The following ARHGEF37 variants were observed in gnomAD, a reference collection of about 807,000 sequenced individuals.
ARHGEF37 encodes Rho guanine nucleotide exchange factor 37, also known as Rho guanine nucleotide exchange factor (GEF) 37.
ARHGEF37 carries 55 observed loss-of-function variants against 71.1 expected under a neutral mutation model. The observed-to-expected ratio is 0.77, with a 90% CI of 0.62 to 0.97. The LOEUF (loss-of-function observed/expected upper bound fraction) is 0.97. Ranked by LOEUF, ARHGEF37 falls within the 50% of genes least tolerant of loss-of-function variation. The pLI is 0.00. For missense variants in ARHGEF37, 765 were observed against 836.8 expected, an observed-to-expected ratio of 0.91 and a Z score of 1.06; for synonymous variants, 327 against 350.6, an observed-to-expected ratio of 0.93 and a Z score of 0.75.
At chr5:149,625,773 A>G (rs1453739516) in intron 10 of ARHGEF37, among the ~76,000 whole-genome samples, 8 of 151,154 alleles carry the variant, frequency 5.3e-5, no homozygotes, top group Admixed American at 5.3e-4. Context: ...ACACACACAC[A>G]CACACAAACC....
intron 1 of ARHGEF37, among the ~76,000 whole-genome samples, chr5:149,596,182 T>A (rs889277876): frequency 6.6e-6 from 1 of 152,226 alleles, no homozygotes; most frequent in African/African-American, 2.4e-5. Flanking sequence ...CCCTAGTGAT[T>A]TCTTTTCCTC....
intron 1 of ARHGEF37, among the ~76,000 whole-genome samples, chr5:149,575,583 A>G (rs531262892): frequency 6.6e-6 from 1 of 152,280 alleles, no homozygotes; most frequent in Admixed American, 6.5e-5. Context: ...CCTCTCTTGA[A>G]AAGACACAAA....
chr5:149,554,333 A>G (rs1580876135), intron 1 of ARHGEF37, among the ~76,000 whole-genome samples: 2 of 152,292 alleles, frequency 1.3e-5, no homozygotes, highest in East Asian at 1.9e-4. Flanking sequence ...TTGTCTCAAT[A>G]AATGAATGAA....
At chr5:149,604,668 G>A (rs1358701938) in intron 3 of ARHGEF37, among the ~76,000 whole-genome samples, 1 of 144,154 alleles carries the variant, frequency 6.9e-6, no homozygotes, top group African/African-American at 2.6e-5. Flanking sequence ...CAGTAAGGCA[G>A]CAACACCATT....
intron 4 of ARHGEF37, 94 bp downstream of exon 4, chr5:149,609,789 G>T (rs1764027375): frequency 1.3e-6 from 2 of 1,532,542 alleles, no homozygotes; most frequent in Non-Finnish European, 1.8e-6. Flanking sequence ...CATTCGTGCT[G>T]CTTCACGAGT....
intron 1 of ARHGEF37, among the ~76,000 whole-genome samples, chr5:149,575,693 T>C (rs1763019670): frequency 8.7e-6 from 1 of 115,202 alleles, no homozygotes; most frequent in African/African-American, 3.5e-5. Context: ...TTTTTTTTTT[T>C]TTTTTGGAGA....
chr5:149,594,747 T>G (rs1763500288), intron 1 of ARHGEF37, among the ~76,000 whole-genome samples: 1 of 152,194 alleles, frequency 6.6e-6, no homozygotes, highest in Non-Finnish European at 1.5e-5. Context: ...TATTATGAAG[T>G]ATTTTAACCA....
At chr5:149,561,040 C>CT (rs1322991459) in intron 1 of ARHGEF37, among the ~76,000 whole-genome samples, 2 of 152,036 alleles carry the variant, frequency 1.3e-5, no homozygotes, top group Non-Finnish European at 2.9e-5. Context: ...TTTGGGAGGC[C>CT]AAAGCAGGTG....
intron 1 of ARHGEF37, among the ~76,000 whole-genome samples, chr5:149,571,315 G>T (rs1465425424): frequency 6.6e-6 from 1 of 151,968 alleles, no homozygotes; most frequent in Non-Finnish European, 1.5e-5. Flanking sequence ...GCATGCAGTG[G>T]CACGACCTCG....
chr5:149,621,837 CT>C lies in ARHGEF37; in HGVS notation c.1113del (p.Phe371LeufsTer14), dbSNP rs748101973. 1.3e-5 allele frequency: 21 copies of C among 1,614,114 alleles called. No individual in the cohort carries two copies. In the Admixed American group the frequency reaches 2.3e-4, roughly 18 times the overall value. ...IKKRLDKLLD[F>X]ERVEEKLLEV... Reference sequence around the variant, plus strand: ...AGAAGCGTCTGGACAAGCTACTGGACTTTGAGCGGGTGGAAGAGAAGCTGCT... The same window carrying C: ...AGAAGCGTCTGGACAAGCTACTGGACTTGAGCGGGTGGAAGAGAAGCTGCT... On this transcript the variant is annotated frameshift_variant, in exon 9 of 13. Transcript: ENST00000333677. LOFTEE classifies it high-confidence loss of function.
intron 1 of ARHGEF37, among the ~76,000 whole-genome samples, chr5:149,569,777 C>T (rs147681566): frequency 2.7e-4 from 41 of 152,218 alleles, no homozygotes; most frequent in African/African-American, 8.4e-4. Flanking sequence ...CGCACCACCA[C>T]GCCCGGCTAA....
intron 11 of ARHGEF37, among the ~76,000 whole-genome samples, chr5:149,627,601 C>T (rs1271440898): frequency 6.6e-6 from 1 of 152,224 alleles, no homozygotes; most frequent in Non-Finnish European, 1.5e-5. Context: ...GGAGAGAACT[C>T]CAGGACCACC....
intron 1 of ARHGEF37, among the ~76,000 whole-genome samples, chr5:149,585,616 C>T (rs1465367084): frequency 6.6e-6 from 1 of 152,198 alleles, no homozygotes; most frequent in Non-Finnish European, 1.5e-5. Flanking sequence ...CTCCTGGGTT[C>T]TAGCGAGTCT....
chr5:149,568,389 C>T (rs1272065233), intron 1 of ARHGEF37, among the ~76,000 whole-genome samples: 4 of 152,044 alleles, frequency 2.6e-5, no homozygotes, highest in Non-Finnish European at 2.9e-5. Flanking sequence ...CCTGTACCTC[C>T]GAAAAAGCAA....
intron 1 of ARHGEF37, among the ~76,000 whole-genome samples, 198 bp from the exon 2 acceptor site, chr5:149,597,561 A>C (rs553371614): frequency 6.6e-6 from 1 of 152,298 alleles, no homozygotes; most frequent in African/African-American, 2.4e-5. Context: ...CTAAAATGTC[A>C]AGAGTTATCA....
Position 149,576,240 on chromosome 5 carries a change from G to A in ARHGEF37, c.-11-21519G>A, listed in dbSNP as rs116318665. Among the ~76,000 whole-genome samples the A allele has an allele frequency of 3.3e-3, 510 of 152,316 alleles. 2 individuals carry two copies. The highest frequency in any genetic ancestry group is 0.012 in the African/African-American group (478 of 41,564). ...ACCCTGAGTGACAAAGCGAGACTCC[G>A]TCTCAAAAGCAAACAAATAAACAAA... On this transcript the variant is annotated intron_variant, in intron 1 of 2. Transcript: ENST00000505810.
At chr5:149,627,029 C>T in intron 10 of ARHGEF37, 47 bp from the exon 11 acceptor site, 10 of 1,547,884 alleles carry the variant, frequency 6.5e-6, no homozygotes, top group Non-Finnish European at 8.8e-6. Flanking sequence ...CCAGCTTTGA[C>T]AGGTTTATTC....
chr5:149,630,059 G>C lies in ARHGEF37; in HGVS notation c.1818+1093G>C, dbSNP rs183228970. ...GGTGGGGAATGGGGACTGCTAACTG[G>C]TGTGAAGTTTCTTTTTGGGGGTGAT... is the stretch of plus-strand genomic sequence containing the variant. On this transcript the variant is annotated intron_variant, in intron 12 of 12. Transcript: ENST00000333677. Among the ~76,000 whole-genome samples, 139 of 152,268 alleles carry C rather than the reference G, an allele frequency of 9.1e-4. 1 individual carries two copies. Among genetic ancestry groups the C allele is most frequent in the African/African-American group, 3.2e-3 (131 of 41,538 alleles).
At chr5:149,563,202 C>T (rs1337705765) in intron 1 of ARHGEF37, among the ~76,000 whole-genome samples, 1 of 152,206 alleles carries the variant, frequency 6.6e-6, no homozygotes, top group Admixed American at 6.5e-5. Context: ...CCTGCTTCAT[C>T]AGTGTTCATT....
Sources: allele counts gnomAD v4.1 joint callset (sites outside exome capture counted in the v4.1 genomes callset), GRCh38; gene constraint gnomAD v4.1.1; transcripts MANE v1.5; gene names NCBI Gene and HGNC (gene_info 2026-07-23, HGNC 2026-07-21).